Variants in PRELP observed in about 807,000 individuals in gnomAD.
PRELP encodes proline and arginine rich end leucine rich repeat protein.
Under a neutral mutation model 22.8 loss-of-function variants are expected in PRELP, and 16 were observed. The observed-to-expected ratio is 0.70, with a 90% CI of 0.47 to 1.06. PRELP has a LOEUF of 1.06. Among genes scored for constraint, PRELP ranks in the 50% least tolerant of loss-of-function variants. The pLI is 0.00. For synonymous variants in PRELP, 233 were observed against 211.4 expected (o/e 1.10, Z -0.89); for missense variants, 434 against 485.2 (o/e 0.89, Z 0.99).
intron 1 of PRELP, among the ~76,000 whole-genome samples, chr1:203,479,460 T>A (rs1451688706): frequency 1.3e-5 from 2 of 152,026 alleles, no homozygotes; most frequent in Non-Finnish European, 2.9e-5. Flanking sequence ...CCCAGCACTT[T>A]GGGAGACTGA....
rs889194805 is a variant in PRELP, at chr1:203,490,634, T to G, written c.*3753T>G. 1 of 152,202 alleles carries G rather than the reference T, an allele frequency of 6.6e-6. No homozygotes were observed. The highest frequency in any genetic ancestry group is 1.5e-5 in the Non-Finnish European group (1 of 68,036). The allele number at this position is 152,202 out of a possible 1,614,324, so 9.4% of individuals were successfully genotyped here. A position where few individuals can be genotyped will look rare whatever the true frequency, so the allele number is the denominator to read the frequency against. On this transcript the variant is annotated 3_prime_UTR_variant, in exon 3 of 3. Coordinates refer to ENST00000343110, the MANE Select transcript of PRELP (RefSeq NM_002725.4). Reference sequence around the variant, plus strand: ...GTCATCTGGAATGGTCTACATGCCATGCGGAAGTCCACCGAAGGGTTAGAA... The same window carrying G: ...GTCATCTGGAATGGTCTACATGCCAGGCGGAAGTCCACCGAAGGGTTAGAA...
At position 203,487,834 on chromosome 1, in the gene PRELP, T is replaced by A. The variant is rs980424657; in HGVS notation, c.*953T>A. The A allele has an allele frequency of 6.6e-6, 1 of 152,168 alleles. No homozygotes were observed. The highest frequency in any genetic ancestry group is 2.4e-5 in the African/African-American group (1 of 41,450). The allele number at this position is 152,168 out of a possible 1,614,324, so 9.4% of individuals were successfully genotyped here. On this transcript the variant is annotated 3_prime_UTR_variant, in exon 3 of 3. Coordinates refer to ENST00000343110, the MANE Select transcript of PRELP (RefSeq NM_002725.4). Reference sequence around the variant, plus strand: ...GCCATTTCCACCCTCGGGAGGCGGCTCCTGAGAAACAGGGAGGAAGGGGCG... The same window carrying A: ...GCCATTTCCACCCTCGGGAGGCGGCACCTGAGAAACAGGGAGGAAGGGGCG...
In PRELP at chr1:203,486,931, C is replaced by G. The variant is rs1326437202; in HGVS notation, c.*50C>G. ...TCTGACCGCACTTGAAGGCTGGGGC[C>G]CAGGCACCTGTGCCGGCCATTCGTT... On this transcript the variant is annotated 3_prime_UTR_variant, in exon 3 of 3. Coordinates refer to ENST00000343110, the MANE Select transcript of PRELP (RefSeq NM_002725.4). 1 of 1,526,812 alleles carries G rather than the reference C, an allele frequency of 6.5e-7. No individual in the cohort carries two copies. Among genetic ancestry groups the G allele is most frequent in the Admixed American group, 1.9e-5 (1 of 52,976 alleles). The allele number at this position is 1,526,812 out of a possible 1,614,324, so 94.6% of individuals were successfully genotyped here. A position where few individuals can be genotyped will look rare whatever the true frequency, so the allele number is the denominator to read the frequency against.
At chr1:203,477,960 G>A (rs111703574) in intron 1 of PRELP, among the ~76,000 whole-genome samples, 110 of 152,280 alleles carry the variant, frequency 7.2e-4, no homozygotes, top group Middle Eastern at 3.4e-3. Flanking sequence ...AGGGGAGGAA[G>A]TTGCTCTGTG....
At chr1:203,482,735 T>C (rs558409318) in intron 1 of PRELP, among the ~76,000 whole-genome samples, 221 of 151,524 alleles carry the variant, frequency 1.5e-3, no homozygotes, top group African/African-American at 4.9e-3. Flanking sequence ...GTAGCTGGGA[T>C]TACAGGCACC....
intron 1 of PRELP, among the ~76,000 whole-genome samples, chr1:203,478,338 G>C (rs1470428154): frequency 1.3e-5 from 2 of 152,092 alleles, no homozygotes; most frequent in Non-Finnish European, 2.9e-5. Flanking sequence ...CAGAGGATAT[G>C]GTAGGTGGCG....
At position 203,487,147 on chromosome 1, in the gene PRELP, A is replaced by G; in HGVS notation, c.*266A>G. 1 of 412,048 alleles carries G rather than the reference A, an allele frequency of 2.4e-6. No individual in the cohort carries two copies. The highest frequency in any genetic ancestry group is 4.4e-6 in the Non-Finnish European group (1 of 228,152). The allele number at this position is 412,048 out of a possible 1,614,324, so 25.5% of individuals were successfully genotyped here. On this transcript the variant is annotated 3_prime_UTR_variant, in exon 3 of 3. Coordinates refer to ENST00000343110, the MANE Select transcript of PRELP (RefSeq NM_002725.4). ...TGTGGTTTCCCTTTGCTCCAGAAAC[A>G]CAGATGTGTCTAAAGACTTGGTGTC...
At chr1:203,486,155 A>C (rs1661088447) in intron 2 of PRELP, among the ~76,000 whole-genome samples, 1 of 152,200 alleles carries the variant, frequency 6.6e-6, no homozygotes, top group Non-Finnish European at 1.5e-5. Context: ...ACCCTTCCAG[A>C]TTTAACGCTC....
At chr1:203,480,912 C>T (rs1486353579) in intron 1 of PRELP, among the ~76,000 whole-genome samples, 2 of 152,228 alleles carry the variant, frequency 1.3e-5, no homozygotes, top group East Asian at 1.9e-4. Flanking sequence ...GATGAGAAGG[C>T]GCGCACAGCC....
chr1:203,484,182 G>GGGGGGGGGCC, intron 2 of PRELP, 25 bp downstream of exon 2: 1 of 1,585,422 alleles, frequency 6.3e-7, no homozygotes, highest in Non-Finnish European at 8.6e-7. Context: ...CCGGGGCGGG[G>GGGGGGGGGCC]CCGAAGGCAA....
intron 1 of PRELP, among the ~76,000 whole-genome samples, chr1:203,482,765 T>G (rs1661025824): frequency 6.6e-6 from 1 of 151,618 alleles, no homozygotes; most frequent in Non-Finnish European, 1.5e-5. Context: ...GCCTGGCTAA[T>G]TTTTTGTATT....
chr1:203,487,030 T>A lies in PRELP; in HGVS notation c.*149T>A. ...CTCGAGGCAGGGAAAAGCCATCTAT[T>A]CTTCTGCAGCCTCAGGAGCGAGACT... is the stretch of plus-strand genomic sequence containing the variant. On this transcript the variant is annotated 3_prime_UTR_variant, in exon 3 of 3. Coordinates refer to ENST00000343110, the MANE Select transcript of PRELP (RefSeq NM_002725.4). 3 of 939,044 alleles carry A rather than the reference T, an allele frequency of 3.2e-6. No individual in the cohort carries two copies. Among genetic ancestry groups the A allele is most frequent in the Non-Finnish European group, 3.1e-6 (2 of 653,468 alleles). 58.2% of individuals were successfully genotyped at this position (939,044 alleles called of 1,614,324 possible).
rs1160147247 is a variant in PRELP, at chr1:203,483,092, C to T, written c.-16-77C>T. The T allele has an allele frequency of 5.7e-6, 7 of 1,236,526 alleles. No homozygotes were observed. Among genetic ancestry groups the T allele is most frequent in the Non-Finnish European group, 1.1e-6 (1 of 882,674 alleles). The allele number at this position is 1,236,526 out of a possible 1,614,324, so 76.6% of individuals were successfully genotyped here. ...TCTTCCCTAGAGCTCTAGTTCTGCCCAACTCTGGCTTCAAAAACATGACAA... is the reference window on the plus strand; with the variant it reads ...TCTTCCCTAGAGCTCTAGTTCTGCCTAACTCTGGCTTCAAAAACATGACAA... On this transcript the variant is annotated intron_variant, in intron 1 of 2. Transcript: ENST00000343110. This position sits in a 1 kb window ranked among gnomAD's most constrained non-coding sequence, Gnocchi z 4.4.
chr1:203,484,202 C>G (rs1303654159), intron 2 of PRELP, 45 bp downstream of exon 2: 2 of 1,584,974 alleles, frequency 1.3e-6, no homozygotes, highest in African/African-American at 2.7e-5. Flanking sequence ...AGGAGGTTGG[C>G]TTGTGTAGCA....
chr1:203,479,612 A>G (rs2102205717), intron 1 of PRELP, among the ~76,000 whole-genome samples: 1 of 149,058 alleles, frequency 6.7e-6, no homozygotes, highest in South Asian at 2.2e-4. Context: ...CTGAGATGGA[A>G]GGATCACCTG....
intron 1 of PRELP, among the ~76,000 whole-genome samples, chr1:203,477,123 G>A (rs1660924091): frequency 6.6e-6 from 1 of 152,106 alleles, no homozygotes; most frequent in East Asian, 1.9e-4. Flanking sequence ...CTAAGGGCTG[G>A]AGAGGGAGGA....
rs1172094760 is a variant in PRELP, at chr1:203,488,740, G to A, written c.*1859G>A. On this transcript the variant is annotated 3_prime_UTR_variant, in exon 3 of 3. Transcript: ENST00000343110. ...GAGCAGCTTGGCAGGTCTCCAAGTG[G>A]AACCCGGTCCAGACAGGGCTGCCTC... 1.3e-5 allele frequency: 2 copies of A among 152,208 alleles called. No individual in the cohort carries two copies. The highest frequency in any genetic ancestry group is 1.9e-4 in the East Asian group (1 of 5,184). 9.4% of individuals were successfully genotyped at this position (152,208 alleles called of 1,614,324 possible).
intron 1 of PRELP, among the ~76,000 whole-genome samples, chr1:203,479,877 C>T (rs772266178): frequency 3.3e-5 from 5 of 151,644 alleles, no homozygotes; most frequent in African/African-American, 4.9e-5. Context: ...ATGAGGAGCC[C>T]GGGTTGGAGA....
chr1:203,486,580 C>G (rs1442308220), intron 2 of PRELP, 126 bp from the exon 3 acceptor site: 2 of 891,832 alleles, frequency 2.2e-6, no homozygotes, highest in South Asian at 1.8e-5. Flanking sequence ...ATCACACATT[C>G]CCAAAGCTAG....
Sources: allele counts gnomAD v4.1 joint callset (sites outside exome capture counted in the v4.1 genomes callset), GRCh38; gene constraint gnomAD v4.1.1; non-coding constraint Gnocchi (gnomAD v3.1); transcripts MANE v1.5; gene names NCBI Gene and HGNC (gene_info 2026-07-23, HGNC 2026-07-21).